Variants in NOLC1 observed in about 807,000 individuals in gnomAD.
NOLC1 encodes the protein 140 kDa nucleolar phosphoprotein.
In NOLC1, 37 loss-of-function variants were observed where a neutral mutation model predicts 73.4. The ratio of observed to expected loss-of-function variants is 0.50; its 90% CI spans 0.39 to 0.66. NOLC1 has a LOEUF of 0.66. Ranked by LOEUF, NOLC1 falls within the 30% of genes least tolerant of loss-of-function variation. The pLI is 0.00. For missense variants in NOLC1, 921 were observed against 838.9 expected (o/e 1.10, Z -1.21); for synonymous variants, 327 against 302.6 (o/e 1.08, Z -0.84).
Position 102,160,560 on chromosome 10 carries a change from C to T in NOLC1, c.1208C>T (p.Ala403Val), listed in dbSNP as rs745803076. ...VTTKSPAVKP[A>V]AAPKQPVGGG... Reference sequence around the variant, plus strand: ...ACCAAGTCACCTGCAGTGAAGCCAGCTGCAGCCCCCAAGCAACCTGTGGGC... The same window carrying T: ...ACCAAGTCACCTGCAGTGAAGCCAGTTGCAGCCCCCAAGCAACCTGTGGGC... Residue 403 changes from alanine (A) to valine (V), a missense_variant, in exon 10 of 13, where the codon GCT becomes GTT. Ala to Val is a moderately conservative substitution (Grantham distance 64, BLOSUM62 0). Transcript: ENST00000605788. 1.9e-5 allele frequency: 30 copies of T among 1,614,104 alleles called. No individual in the cohort carries two copies. The East Asian group carries it at 6.5e-4, about 35-fold the overall frequency.
rs2069716460 is a variant in NOLC1, at chr10:102,161,909, A to G, written c.1925A>G (p.Asn642Ser). 3.7e-6 allele frequency: 6 copies of G among 1,613,890 alleles called. No individual in the cohort carries two copies. The highest frequency in any genetic ancestry group is 5.1e-6 in the Non-Finnish European group (6 of 1,179,966). Reference sequence around the variant, plus strand: ...GAGGTGGATTCACGAGTTGCGGACAACTCCTTTGATGCCAAGGTGAGAGAG... The same window carrying G: ...GAGGTGGATTCACGAGTTGCGGACAGCTCCTTTGATGCCAAGGTGAGAGAG... ...EIEVDSRVAD[N>S]SFDAKRGAAG... The change falls in exon 12 of 13, where the codon AAC becomes AGC. Residue 642 changes from asparagine (N) to serine (S), a missense_variant. Transcript: ENST00000605788.
At chr10:102,154,455 A>G (rs2069557280) in intron 1 of NOLC1, among the ~76,000 whole-genome samples, 1 of 152,122 alleles carries the variant, frequency 6.6e-6, no homozygotes, top group African/African-American at 2.4e-5. Flanking sequence ...ATAGAAAAGA[A>G]AATAATCTCA....
chr10:102,152,416 G>A lies in NOLC1; in HGVS notation c.6G>A (p.Ala2=), dbSNP rs573072484. The A allele has an allele frequency of 6.2e-7, 1 of 1,610,312 alleles. No homozygotes were observed. The highest frequency in any genetic ancestry group is 1.7e-5 in the Admixed American group (1 of 60,022). Residue 2 remains alanine (A), a synonymous_variant, in exon 1 of 13, where the codon GCG becomes GCA. Transcript: ENST00000605788. ...TGACGCGTATTGCCTGGAGGATGGC[G>A]GACGCCGGCATTCGCCGCGTGGTTC... The part of the protein sequence containing the change: M[A]DAGIRRVVPS...
At chr10:102,154,941 G>A (rs1229316483) in intron 1 of NOLC1, among the ~76,000 whole-genome samples, 1 of 151,158 alleles carries the variant, frequency 6.6e-6, no homozygotes, top group Non-Finnish European at 1.5e-5. Flanking sequence ...CTGTAGCATC[G>A]AACTCCTGGG....
intron 7 of NOLC1, 152 bp from the exon 8 acceptor site, chr10:102,159,744 C>T (rs2069668301): frequency 9.7e-7 from 1 of 1,031,382 alleles, no homozygotes; most frequent in East Asian, 2.6e-5. Flanking sequence ...GTAACCTAGA[C>T]TCAGAGGTGA....
chr10:102,160,004 A>G lies in NOLC1; in HGVS notation c.968A>G (p.Glu323Gly), dbSNP rs2069672344. 6.2e-7 allele frequency: 1 copy of G among 1,612,976 alleles called. No individual in the cohort carries two copies. Among genetic ancestry groups the G allele is most frequent in the African/African-American group, 1.3e-5 (1 of 75,018 alleles). The change falls in exon 8 of 13, where the codon GAA becomes GGA. Residue 323 changes from glutamate to glycine, a missense_variant. Glu to Gly is a moderately conservative substitution (Grantham distance 98). Transcript: ENST00000605788. Reference protein sequence around the residue: ...VEKQQPVESSEDSSDESDSSS... With the variant: ...VEKQQPVESSGDSSDESDSSS... The stretch of plus-strand genomic sequence containing the variant: ...AAGCAGCAGCCTGTGGAAAGCAGTG[A>G]AGACAGCAGTGATGAGTCTGGTGAG...
At chr10:102,155,079 A>G (rs1000658253) in intron 1 of NOLC1, among the ~76,000 whole-genome samples, 10 of 148,780 alleles carry the variant, frequency 6.7e-5, no homozygotes, top group Non-Finnish European at 1.2e-4. Flanking sequence ...CTGGAGTGCA[A>G]TGGTGCAATC....
chr10:102,162,294 A>C lies in NOLC1; in HGVS notation c.*25A>C. On this transcript the variant is annotated 3_prime_UTR_variant, in exon 13 of 13. Coordinates refer to ENST00000605788, the MANE Select transcript of NOLC1 (RefSeq NM_004741.5). ...ACCTGAGGCCATCTTCGGTGAAGCAAGGGTGATGATCGGAGACTACTTACT... is the reference window on the plus strand; with the variant it reads ...ACCTGAGGCCATCTTCGGTGAAGCACGGGTGATGATCGGAGACTACTTACT... 1 of 1,610,696 alleles carries C rather than the reference A, an allele frequency of 6.2e-7. No individual in the cohort carries two copies. The highest frequency in any genetic ancestry group is 1.1e-5 in the South Asian group (1 of 90,756).
At chr10:102,161,200 G>T in intron 10 of NOLC1, 107 bp downstream of exon 10, 1 of 1,182,870 alleles carries the variant, frequency 8.5e-7, no homozygotes, top group Non-Finnish European at 1.2e-6. Context: ...TGGGCTTCCA[G>T]TTGTGGAAAC....
At chr10:102,158,611 G>T (rs1417305738) in intron 5 of NOLC1, among the ~76,000 whole-genome samples, 4 of 152,062 alleles carry the variant, frequency 2.6e-5, no homozygotes, top group African/African-American at 9.7e-5. Context: ...TCTGTAACTT[G>T]TGATGAGGGT....
Position 102,162,808 on chromosome 10 carries a change from C to T in NOLC1, c.*539C>T, listed in dbSNP as rs1037878648. 4 of 152,418 alleles carry T rather than the reference C, an allele frequency of 2.6e-5. No individual in the cohort carries two copies. Among genetic ancestry groups the T allele is most frequent in the African/African-American group, 9.7e-5 (4 of 41,446 alleles). 9.4% of individuals were successfully genotyped at this position (152,418 alleles called of 1,614,324 possible). A position where few individuals can be genotyped will look rare whatever the true frequency, so the allele number is the denominator to read the frequency against. On this transcript the variant is annotated 3_prime_UTR_variant, in exon 13 of 13. Coordinates refer to ENST00000605788, the MANE Select transcript of NOLC1 (RefSeq NM_004741.5). ...TGATGTATATGCAATGTCTGTTAAG[C>T]ATGCACTATGTATTTCATCCTCATT...
rs750744070 is a variant in NOLC1, at chr10:102,161,903, C to A, written c.1919C>A (p.Ala640Glu). Residue 640 changes from alanine (A) to glutamate (E), a missense_variant, in exon 12 of 13, where the codon GCG (alanine) becomes GAG (glutamate). By Grantham distance (107) the Ala-to-Glu change is moderately radical. Transcript: ENST00000605788. The part of the protein sequence containing the change: ...EEEIEVDSRV[A>E]DNSFDAKRGA... ...GAAATTGAGGTGGATTCACGAGTTG[C>A]GGACAACTCCTTTGATGCCAAGGTG... 15 of 1,613,910 alleles carry A rather than the reference C, an allele frequency of 9.3e-6. No individual in the cohort carries two copies. The highest frequency in any genetic ancestry group is 1.1e-5 in the Non-Finnish European group (13 of 1,179,958).
chr10:102,158,082 G>T lies in NOLC1; in HGVS notation c.475G>T (p.Ala159Ser). 1 of 1,614,074 alleles carries T rather than the reference G, an allele frequency of 6.2e-7. No homozygotes were observed. The highest frequency in any genetic ancestry group is 8.5e-7 in the Non-Finnish European group (1 of 1,179,960). Residue 159 changes from alanine to serine, a missense_variant, in exon 5 of 13, where the codon GCT becomes TCT. Physicochemically the swap from Ala to Ser is moderately conservative, Grantham distance 99. Transcript: ENST00000605788. ...GVKPQAKAAK[A>S]PPKKAKSSDS... is the part of the protein sequence containing the mutation. ...TAAGCCCCAAGCCAAGGCAGCCAAA[G>T]CTCCTCCTAAGAAGGCCAAGAGCTC...
At position 102,162,413 on chromosome 10, in the gene NOLC1, A is replaced by C; in HGVS notation, c.*144A>C. On this transcript the variant is annotated 3_prime_UTR_variant, in exon 13 of 13. Transcript: ENST00000605788. ...AGGTCCTAAGACTTTACAGTGTAACATCCTCTCTGGTCCTTTTCTGTGTTC... is the reference window on the plus strand; with the variant it reads ...AGGTCCTAAGACTTTACAGTGTAACCTCCTCTCTGGTCCTTTTCTGTGTTC... 1.3e-6 allele frequency: 1 copy of C among 758,396 alleles called. No individual in the cohort carries two copies. The highest frequency in any genetic ancestry group is 2.1e-6 in the Non-Finnish European group (1 of 482,248). The allele number at this position is 758,396 out of a possible 1,614,324, so 47.0% of individuals were successfully genotyped here.
At position 102,158,105 on chromosome 10, in the gene NOLC1, CTCTGAT is replaced by C. The variant is rs767738089; in HGVS notation, c.510_515del (p.Asp172_Ser173del). ...AAGCTCCTCCTAAGAAGGCCAAGAGCTCTGATTCTGATTCTGACTCAAGCTCCGAGG... is the reference window on the plus strand; with the variant it reads ...AAGCTCCTCCTAAGAAGGCCAAGAGCTCTGATTCTGACTCAAGCTCCGAGG... On this transcript the variant is annotated inframe_deletion, in exon 5 of 13. Coordinates refer to ENST00000605788, the MANE Select transcript of NOLC1 (RefSeq NM_004741.5). 8.7e-6 allele frequency: 14 copies of C among 1,614,018 alleles called. No individual in the cohort carries two copies. The highest frequency in any genetic ancestry group is 1.1e-5 in the Non-Finnish European group (13 of 1,179,990).
rs1419201020 is a variant in NOLC1, at chr10:102,160,872, C to T, written c.1520C>T (p.Ala507Val). 1 of 1,614,088 alleles carries T rather than the reference C, an allele frequency of 6.2e-7. No homozygotes were observed. The highest frequency in any genetic ancestry group is 8.5e-7 in the Non-Finnish European group (1 of 1,180,022). The change falls in exon 10 of 13, where the codon GCC (alanine) becomes GTC (valine). Residue 507 changes from alanine (A) to valine (V), a missense_variant. Coordinates refer to ENST00000605788, the MANE Select transcript of NOLC1 (RefSeq NM_004741.5). Reference protein sequence around the residue: ...VAGGAAPSKPASAKKGKAESS... With the variant: ...VAGGAAPSKPVSAKKGKAESS... ...GGAGGTGCAGCCCCTTCCAAGCCAG[C>T]CTCTGCAAAGAAAGGAAAGGCTGAG... is the stretch of plus-strand genomic sequence containing the variant.
At position 102,161,098 on chromosome 10, in the gene NOLC1, G is replaced by C; in HGVS notation, c.1741+5G>C. On this transcript the variant is annotated splice_donor_5th_base_variant and intron_variant, in intron 10 of 12. Transcript: ENST00000605788. ...CAGTGGTAGTTTCCAAATCAGGTCT[G>C]TACCCAATGAACATGCCCTCTGGGT... The C allele has an allele frequency of 6.3e-7, 1 of 1,595,258 alleles. No individual in the cohort carries two copies. The highest frequency in any genetic ancestry group is 8.5e-7 in the Non-Finnish European group (1 of 1,174,700).
In NOLC1 at chr10:102,162,478, G is replaced by A. The variant is rs1297211399; in HGVS notation, c.*209G>A. ...ACTTGTTTTTGAGTGTTGAGTAGCA[G>A]GGACAAAATAAGGGAATGTTATTTT... On this transcript the variant is annotated 3_prime_UTR_variant, in exon 13 of 13. Transcript: ENST00000605788. The A allele has an allele frequency of 2.5e-6, 1 of 406,702 alleles. No individual in the cohort carries two copies. The highest frequency in any genetic ancestry group is 2.1e-5 in the African/African-American group (1 of 48,756). The allele number at this position is 406,702 out of a possible 1,614,324, so 25.2% of individuals were successfully genotyped here.
At chr10:102,157,375 T>TA in intron 3 of NOLC1, 47 bp downstream of exon 3, 10 of 1,613,342 alleles carry the variant, frequency 6.2e-6, no homozygotes, top group Non-Finnish European at 8.5e-6. Flanking sequence ...GAAAAGAATT[T>TA]ACAGCCTGCT....
Sources: allele counts gnomAD v4.1 joint callset (sites outside exome capture counted in the v4.1 genomes callset), GRCh38; gene constraint gnomAD v4.1.1; transcripts MANE v1.5; gene names NCBI Gene and HGNC (gene_info 2026-07-23, HGNC 2026-07-21).